DAB2IP: variants seen among roughly 807,000 people sequenced by gnomAD.
DAB2IP encodes DAB2 interacting protein.
In DAB2IP, 28 loss-of-function variants were observed where a neutral mutation model predicts 107.2. The observed-to-expected ratio is 0.26, with a 90% CI of 0.19 to 0.36. DAB2IP has a LOEUF of 0.36. Ranked by LOEUF, DAB2IP falls within the 10% of genes least tolerant of loss-of-function variation. DAB2IP has a pLI of 1.00. For synonymous variants in DAB2IP, 755 were observed against 706.4 expected, an observed-to-expected ratio of 1.07 and a Z score of -1.09; for missense variants, 1,400 against 1,644.7, an observed-to-expected ratio of 0.85 and a Z score of 2.57.
intron 1 of DAB2IP, among the ~76,000 whole-genome samples, chr9:121,581,759 G>C (rs1352075903): frequency 6.6e-6 from 1 of 152,314 alleles, no homozygotes; most frequent in Non-Finnish European, 1.5e-5. Flanking sequence ...AAGGAGGCTG[G>C]GGTCTCTGCT....
At chr9:121,666,721 A>C (rs1833449218) in intron 1 of DAB2IP, among the ~76,000 whole-genome samples, 1 of 152,148 alleles carries the variant, frequency 6.6e-6, no homozygotes, top group Admixed American at 6.5e-5. Context: ...CTATGTAACA[A>C]ACCTGCACGT....
At chr9:121,664,521 T>C (rs1249745357) in intron 1 of DAB2IP, among the ~76,000 whole-genome samples, 1 of 152,242 alleles carries the variant, frequency 6.6e-6, no homozygotes, top group Non-Finnish European at 1.5e-5. Flanking sequence ...TTCCAAGCCT[T>C]GAATGTAGTA....
chr9:121,748,991 C>G (rs888560871), intron 3 of DAB2IP, among the ~76,000 whole-genome samples: 1 of 152,192 alleles, frequency 6.6e-6, no homozygotes, highest in Non-Finnish European at 1.5e-5. Flanking sequence ...CCTGAGGGAA[C>G]CCTGGGTTGA....
rs1313965389 is a variant in DAB2IP, at chr9:121,567,181, C to T, written c.-8C>T. The T allele has an allele frequency of 1.9e-6, 3 of 1,613,924 alleles. No homozygotes were observed. In the African/African-American group the frequency reaches 4.0e-5, roughly 22 times the overall value. ...CAGGTGGGGCCAGGGGCTGGGGGCC[C>T]ACACGCCATGGAGCCCGACTCCCTT... On this transcript the variant is annotated 5_prime_UTR_variant, in exon 1 of 17. Coordinates refer to the DAB2IP transcript ENST00000259371.
intron 1 of DAB2IP, among the ~76,000 whole-genome samples, chr9:121,654,675 G>A (rs931733538): frequency 2.6e-5 from 4 of 152,198 alleles, no homozygotes; most frequent in Non-Finnish European, 4.4e-5. Context: ...AACTCAGGCT[G>A]AGGAAGCCAC....
At chr9:121,616,739 G>A (rs1337310872) in intron 1 of DAB2IP, among the ~76,000 whole-genome samples, 5 of 152,192 alleles carry the variant, frequency 3.3e-5, no homozygotes, top group East Asian at 1.9e-4. Flanking sequence ...CCTGAGTACC[G>A]GCCCTGGCCC....
intron 1 of DAB2IP, among the ~76,000 whole-genome samples, chr9:121,672,387 C>T (rs1243851099): frequency 1.3e-5 from 2 of 152,236 alleles, no homozygotes; most frequent in Non-Finnish European, 2.9e-5. Context: ...TCTGAAATTA[C>T]AGGATGTTCC....
At chr9:121,715,785 G>T (rs1185936430) in intron 3 of DAB2IP, among the ~76,000 whole-genome samples, 3 of 152,202 alleles carry the variant, frequency 2.0e-5, no homozygotes, top group Non-Finnish European at 4.4e-5. Context: ...ATCCCAGCTG[G>T]ACTGTCATCA....
chr9:121,748,418 G>C (rs1312920138), intron 3 of DAB2IP, among the ~76,000 whole-genome samples: 1 of 152,188 alleles, frequency 6.6e-6, no homozygotes, highest in Non-Finnish European at 1.5e-5. Context: ...TTCACTTCTG[G>C]ACCATGTGAC....
At chr9:121,747,857 C>CAA (rs35203556) in intron 3 of DAB2IP, among the ~76,000 whole-genome samples, 5,928 of 127,998 alleles carry the variant, frequency 0.046, 425 homozygotes, top group African/African-American at 0.15. Flanking sequence ...TCCTCCCCCG[C>CAA]AAAAAAAAAA....
At chr9:121,752,233 C>T (rs974855371) in intron 3 of DAB2IP, among the ~76,000 whole-genome samples, 3 of 152,050 alleles carry the variant, frequency 2.0e-5, no homozygotes, top group Non-Finnish European at 4.4e-5. Flanking sequence ...GCTGCCCTGA[C>T]GACCCACCCT....
intron 1 of DAB2IP, among the ~76,000 whole-genome samples, chr9:121,619,328 G>A (rs1461983728): frequency 6.6e-6 from 1 of 152,056 alleles, no homozygotes; most frequent in African/African-American, 2.4e-5. Flanking sequence ...TGTAATTTTT[G>A]TGGAGATGGG....
At chr9:121,768,607 T>C in exon 10 of DAB2IP, 8 of 1,614,008 alleles carry the variant, frequency 5.0e-6, no homozygotes, top group Non-Finnish European at 6.8e-6. Flanking sequence ...CTCACTGCTC[T>C]GGGAGGCCGT....
chr9:121,583,886 A>G (rs973715648), intron 1 of DAB2IP, among the ~76,000 whole-genome samples: 1 of 152,182 alleles, frequency 6.6e-6, no homozygotes. Context: ...CCAATAGAAT[A>G]CAAACATTGA....
At chr9:121,650,780 C>T (rs750859118), upstream of DAB2IP, among the ~76,000 whole-genome samples, 9 of 151,936 alleles carry the variant, frequency 5.9e-5, no homozygotes, top group Non-Finnish European at 1.2e-4. Flanking sequence ...GGACTTTGGT[C>T]GGGTGGAGAA....
At chr9:121,715,539 C>G (rs1380559813) in intron 3 of DAB2IP, among the ~76,000 whole-genome samples, 1 of 151,800 alleles carries the variant, frequency 6.6e-6, no homozygotes, top group Non-Finnish European at 1.5e-5. Context: ...ATTTTTAGTA[C>G]AGACAGGGTT....
intron 3 of DAB2IP, among the ~76,000 whole-genome samples, chr9:121,754,903 G>C (rs895423158): frequency 6.6e-6 from 1 of 152,148 alleles, no homozygotes; most frequent in Non-Finnish European, 1.5e-5. Flanking sequence ...GTACTTCCTG[G>C]GTCCCTACCC....
chr9:121,702,360 G>A lies in DAB2IP; in HGVS notation c.362+2902G>A, dbSNP rs1302382399. 6.6e-6 allele frequency among the ~76,000 whole-genome samples: 1 copy of A among 152,158 alleles called. No homozygotes were observed. Among genetic ancestry groups the A allele is most frequent in the African/African-American group, 2.4e-5 (1 of 41,418 alleles). ...GGTTGCTATCTGGTTGTGAGGCTGG[G>A]GTCAGGCCAGGCAGTGCTTGGTTGG... On this transcript the variant is annotated intron_variant, in intron 3 of 15. Coordinates refer to ENST00000408936, the Ensembl canonical transcript of DAB2IP. The surrounding 1 kb of genome is among the most constrained non-coding windows in gnomAD (Gnocchi z 4.5).
At chr9:121,768,710 A>G (rs1834478991) in intron 10 of DAB2IP, 77 bp downstream of exon 10, 2 of 1,571,218 alleles carry the variant, frequency 1.3e-6, no homozygotes, top group African/African-American at 1.3e-5. Context: ...CAGAGTAACC[A>G]TGGAGGGCAG....
Sources: gnomAD v4.1 joint callset for allele counts (sites outside exome capture counted in the v4.1 genomes callset) on GRCh38, gnomAD v4.1.1 for gene constraint, Gnocchi (gnomAD v3.1) non-coding constraint, MANE v1.5 for transcripts, NCBI Gene and HGNC (gene_info 2026-07-23, HGNC 2026-07-21) for gene names.